Variants in EXOC1 observed in about 807,000 individuals in gnomAD.
EXOC1 encodes the protein SEC3-like 1.
EXOC1 carries 67 observed loss-of-function variants against 107.7 expected under a neutral mutation model. That is an observed-to-expected ratio of 0.62 (90% CI 0.51 to 0.76). The LOEUF is 0.76. EXOC1 is among the 30% of genes least tolerant of loss of function. The pLI is 0.00. For synonymous variants in EXOC1, 348 were observed against 353.5 expected (o/e 0.98, Z 0.17); for missense variants, 833 against 1,055.7 (o/e 0.79, Z 2.92).
intron 9 of EXOC1, among the ~76,000 whole-genome samples, chr4:55,882,101 T>G (rs1344622200): frequency 6.6e-6 from 1 of 151,474 alleles, no homozygotes; most frequent in East Asian, 1.9e-4. Flanking sequence ...ATAGGGTTTT[T>G]GTTGTTGTTG....
intron 13 of EXOC1, among the ~76,000 whole-genome samples, chr4:55,891,628 C>T (rs1288557292): frequency 6.6e-6 from 1 of 152,000 alleles, no homozygotes; most frequent in Non-Finnish European, 1.5e-5. Context: ...GTTTGGGCAT[C>T]TAATTTAATA....
Position 55,904,691 on chromosome 4 carries a change from A to T in EXOC1, c.*196A>T. ...CCTATATAGCAGTTTTATTTGCCCT[A>T]TAGGTTGCATACTAACTTAAGCATT... On this transcript the variant is annotated 3_prime_UTR_variant, in exon 19 of 19. Coordinates refer to ENST00000381295, the MANE Select transcript of EXOC1 (RefSeq NM_001024924.2). 2 of 434,822 alleles carry T rather than the reference A, an allele frequency of 4.6e-6. No homozygotes were observed. The highest frequency in any genetic ancestry group is 7.9e-6 in the Non-Finnish European group (2 of 254,094). 26.9% of individuals were successfully genotyped at this position (434,822 alleles called of 1,614,324 possible).
intron 9 of EXOC1, among the ~76,000 whole-genome samples, chr4:55,880,777 G>T (rs889081058): frequency 6.6e-6 from 1 of 152,144 alleles, no homozygotes; most frequent in South Asian, 2.1e-4. Context: ...TCTGCTCAGA[G>T]TATATTTTTG....
intron 14 of EXOC1, among the ~76,000 whole-genome samples, chr4:55,893,312 G>A (rs557629273): frequency 1.3e-5 from 2 of 152,210 alleles, no homozygotes; most frequent in South Asian, 4.2e-4. Flanking sequence ...TAGAGACAGG[G>A]TTTTACCATG....
At chr4:55,895,426 C>T (rs1297889533) in intron 15 of EXOC1, among the ~76,000 whole-genome samples, 2 of 152,196 alleles carry the variant, frequency 1.3e-5, no homozygotes, top group East Asian at 3.9e-4. Context: ...ACCTTTTCTA[C>T]TGCATCTGTT....
intron 4 of EXOC1, among the ~76,000 whole-genome samples, chr4:55,868,061 A>G (rs1212694897): frequency 6.6e-6 from 1 of 152,132 alleles, no homozygotes; most frequent in Non-Finnish European, 1.5e-5. Context: ...GCTTAATTGT[A>G]TTTTGGGAAA....
chr4:55,901,470 G>GTA, intron 17 of EXOC1, among the ~76,000 whole-genome samples: 1 of 151,990 alleles, frequency 6.6e-6, no homozygotes, highest in East Asian at 1.9e-4. Context: ...GTCAATAAAA[G>GTA]TATATATATA....
At chr4:55,873,676 G>A (rs1401958331) in intron 8 of EXOC1, among the ~76,000 whole-genome samples, 1 of 152,118 alleles carries the variant, frequency 6.6e-6, no homozygotes, top group Non-Finnish European at 1.5e-5. Context: ...TTAAAAATCA[G>A]AACGCTGCGA....
chr4:55,896,494 G>T (rs990425293), intron 15 of EXOC1, among the ~76,000 whole-genome samples: 2 of 152,112 alleles, frequency 1.3e-5, no homozygotes, highest in African/African-American at 4.8e-5. Context: ...TAAACTTACT[G>T]TAAAATGGTT....
rs558963725 is a variant in EXOC1, at chr4:55,860,607, C to T, written c.255+66C>T. Reference sequence around the variant, plus strand: ...TCTTTCATTTTATAACATGGTATTACATATTCTAAAATGATCTAAAAACAA... The same window carrying T: ...TCTTTCATTTTATAACATGGTATTATATATTCTAAAATGATCTAAAAACAA... On this transcript the variant is annotated intron_variant, in intron 3 of 18. Transcript: ENST00000381295. 4 of 1,558,602 alleles carry T rather than the reference C, an allele frequency of 2.6e-6. No individual in the cohort carries two copies. The South Asian group carries it at 3.6e-5, about 14-fold the overall frequency.
chr4:55,903,147 T>TAAAAAAAAAA (rs10544843), intron 18 of EXOC1, among the ~76,000 whole-genome samples: 1 of 98,510 alleles, frequency 1.0e-5, no homozygotes, highest in African/African-American at 3.3e-5. Flanking sequence ...GTGTCTCAAT[T>TAAAAAAAAAA]AAAAAAAAAA....
intron 18 of EXOC1, 110 bp from the exon 19 acceptor site, chr4:55,904,233 C>T (rs2109530919): frequency 9.3e-7 from 1 of 1,073,166 alleles, no homozygotes; most frequent in Non-Finnish European, 1.3e-6. Context: ...ATGCATGTTC[C>T]TAGCTACTAT....
chr4:55,888,611 A>C (rs961180812), intron 10 of EXOC1, among the ~76,000 whole-genome samples: 19 of 152,108 alleles, frequency 1.2e-4, no homozygotes, highest in African/African-American at 4.3e-4. Flanking sequence ...AAAAAAAAAA[A>C]ACATTTTAAA....
chr4:55,872,645 G>A (rs990429317), intron 8 of EXOC1: 3 of 247,472 alleles, frequency 1.2e-5, no homozygotes, highest in African/African-American at 4.6e-5. Flanking sequence ...AAAATTGGGG[G>A]AATATCTCGT....
chr4:55,877,801 T>G, intron 8 of EXOC1, 116 bp from the exon 9 acceptor site: 1 of 1,480,990 alleles, frequency 6.8e-7, no homozygotes, highest in Non-Finnish European at 8.9e-7. Context: ...TTCTTAATTA[T>G]TTTTCTATGT....
chr4:55,855,616 AG>A (rs1720888466), intron 1 of EXOC1, among the ~76,000 whole-genome samples: 1 of 152,218 alleles, frequency 6.6e-6, no homozygotes, highest in South Asian at 2.1e-4. Flanking sequence ...GGGAAGTGTT[AG>A]AGAGGTAGAA....
chr4:55,902,301 T>C, intron 17 of EXOC1, 43 bp from the exon 18 acceptor site: 2 of 1,338,228 alleles, frequency 1.5e-6, no homozygotes, highest in Admixed American at 3.1e-5. Context: ...TAAATAATAA[T>C]AAATGCAGGT....
chr4:55,895,163 A>G (rs1050320107), intron 15 of EXOC1, among the ~76,000 whole-genome samples: 1 of 152,286 alleles, frequency 6.6e-6, no homozygotes, highest in Non-Finnish European at 1.5e-5. Context: ...TATTTTTGAT[A>G]AGATCTTATC....
At chr4:55,886,813 C>G (rs1723935434) in intron 10 of EXOC1, among the ~76,000 whole-genome samples, 1 of 152,026 alleles carries the variant, frequency 6.6e-6, no homozygotes, top group African/African-American at 2.4e-5. Flanking sequence ...ATGCATCTTA[C>G]AAAAAGAAAC....
Sources: allele counts gnomAD v4.1 joint callset (sites outside exome capture counted in the v4.1 genomes callset), GRCh38; gene constraint gnomAD v4.1.1; transcripts MANE v1.5; gene names NCBI Gene and HGNC (gene_info 2026-07-23, HGNC 2026-07-21).